Variants in HS6ST3 observed in about 807,000 individuals in gnomAD.
HS6ST3 encodes the protein heparan sulfate 6-O-sulfotransferase 3.
In HS6ST3, 12 loss-of-function variants were observed where a neutral mutation model predicts 36.7. The ratio of observed to expected loss-of-function variants is 0.33; its 90% CI spans 0.21 to 0.53. The LOEUF (loss-of-function observed/expected upper bound fraction) is 0.53. Ranked by LOEUF, HS6ST3 falls within the 20% of genes least tolerant of loss-of-function variation. The probability of loss-of-function intolerance (pLI) is 0.95; values close to 1 mark genes in which losing one functional copy is unlikely to be tolerated. For synonymous variants in HS6ST3, 240 were observed against 257.5 expected (o/e 0.93, Z 0.65); for missense variants, 584 against 640.9 (o/e 0.91, Z 0.96).
chr13:96,146,826 G>A (rs1345983044), intron 1 of HS6ST3, among the ~76,000 whole-genome samples: 1 of 152,084 alleles, frequency 6.6e-6, no homozygotes, highest in Non-Finnish European at 1.5e-5. Context: ...AGAATTCAGG[G>A]GTTAGTACAT....
At chr13:96,289,042 C>T (rs966127946) in intron 1 of HS6ST3, among the ~76,000 whole-genome samples, 1 of 151,420 alleles carries the variant, frequency 6.6e-6, no homozygotes, top group Non-Finnish European at 1.5e-5. Context: ...GAAAAGTATT[C>T]CAGTCATAAA....
chr13:96,148,925 A>G (rs1161664491), intron 1 of HS6ST3, among the ~76,000 whole-genome samples: 1 of 152,224 alleles, frequency 6.6e-6, no homozygotes, highest in Admixed American at 6.5e-5. Context: ...AATAGTCTTT[A>G]TGTATGAGAG....
intron 1 of HS6ST3, among the ~76,000 whole-genome samples, chr13:96,715,856 A>C (rs965146562): frequency 1.3e-5 from 2 of 152,086 alleles, no homozygotes; most frequent in Non-Finnish European, 2.9e-5. Context: ...TAATTCCATG[A>C]ATTATAGATA....
At chr13:96,634,116 C>T (rs2056541018) in intron 1 of HS6ST3, among the ~76,000 whole-genome samples, 1 of 152,186 alleles carries the variant, frequency 6.6e-6, no homozygotes, top group Non-Finnish European at 1.5e-5. Context: ...GCCATGCTGG[C>T]TCCCTGAGCT....
At chr13:96,659,817 T>A (rs770912854) in intron 1 of HS6ST3, among the ~76,000 whole-genome samples, 2 of 152,126 alleles carry the variant, frequency 1.3e-5, no homozygotes, top group Non-Finnish European at 2.9e-5. Flanking sequence ...TGTGTGTACA[T>A]CTATTTCTGG....
intron 1 of HS6ST3, among the ~76,000 whole-genome samples, chr13:96,607,278 C>T (rs2056442458): frequency 6.6e-6 from 1 of 152,048 alleles, no homozygotes. Context: ...ATGCTTTATA[C>T]CAAAATAAAA....
At chr13:96,178,910 G>T (rs2054225398) in intron 1 of HS6ST3, among the ~76,000 whole-genome samples, 1 of 152,150 alleles carries the variant, frequency 6.6e-6, no homozygotes, top group Admixed American at 6.5e-5. Context: ...TTATATAAAA[G>T]AATATTTTCA....
intron 1 of HS6ST3, among the ~76,000 whole-genome samples, chr13:96,152,018 C>A (rs1854174): frequency 0.81 from 122,843 of 152,200 alleles, 50,127 homozygotes; most frequent in East Asian, 0.91. Flanking sequence ...GGGGTTAGGA[C>A]TTCAATGTAT....
chr13:96,147,544 C>T (rs1440629546), intron 1 of HS6ST3, among the ~76,000 whole-genome samples: 1 of 152,214 alleles, frequency 6.6e-6, no homozygotes, highest in African/African-American at 2.4e-5. Context: ...GCTTGTTCCC[C>T]AACCCCTGGC....
intron 1 of HS6ST3, among the ~76,000 whole-genome samples, chr13:96,582,929 G>T (rs1401109654): frequency 6.6e-6 from 1 of 151,966 alleles, no homozygotes; most frequent in Non-Finnish European, 1.5e-5. Context: ...AATACTGCAT[G>T]GGATATTTTA....
At chr13:96,713,145 C>T (rs1347413953) in intron 1 of HS6ST3, among the ~76,000 whole-genome samples, 2 of 152,082 alleles carry the variant, frequency 1.3e-5, no homozygotes, top group Non-Finnish European at 2.9e-5. Flanking sequence ...TTTCGAAATT[C>T]CACATCTGTC....
At chr13:96,666,001 C>T (rs951119083) in intron 1 of HS6ST3, among the ~76,000 whole-genome samples, 1 of 152,086 alleles carries the variant, frequency 6.6e-6, no homozygotes, top group Non-Finnish European at 1.5e-5. Context: ...AGTCCATTCT[C>T]ATGGTGCTAA....
At chr13:96,362,950 C>T (rs892546988) in intron 1 of HS6ST3, among the ~76,000 whole-genome samples, 4 of 152,126 alleles carry the variant, frequency 2.6e-5, no homozygotes, top group African/African-American at 9.7e-5. Context: ...ATTTATAAGA[C>T]ATTCTTGAAA....
At chr13:96,647,418 G>A (rs2056592415) in intron 1 of HS6ST3, among the ~76,000 whole-genome samples, 1 of 151,952 alleles carries the variant, frequency 6.6e-6, no homozygotes, top group African/African-American at 2.4e-5. Flanking sequence ...CAAAGAAAAA[G>A]CAAATTGTCT....
chr13:96,432,289 TA>T (rs1268795344), intron 1 of HS6ST3, among the ~76,000 whole-genome samples: 2 of 152,226 alleles, frequency 1.3e-5, no homozygotes, highest in African/African-American at 4.8e-5. Context: ...AGATTACATT[TA>T]CTATACATTT....
At chr13:96,516,063 CT>C (rs1298327274) in intron 1 of HS6ST3, among the ~76,000 whole-genome samples, 513 of 140,164 alleles carry the variant, frequency 3.7e-3, no homozygotes, top group African/African-American at 5.6e-3. Context: ...ACAGCATTAA[CT>C]TTTTTTTTTT....
At chr13:96,303,957 A>G (rs1240845970) in intron 1 of HS6ST3, among the ~76,000 whole-genome samples, 2 of 152,092 alleles carry the variant, frequency 1.3e-5, no homozygotes, top group Non-Finnish European at 2.9e-5. Context: ...AGTCTGGCCA[A>G]TATGGCAAAA....
chr13:96,143,722 A>G (rs1434617948), intron 1 of HS6ST3, among the ~76,000 whole-genome samples: 1 of 151,976 alleles, frequency 6.6e-6, no homozygotes, highest in Non-Finnish European at 1.5e-5. Flanking sequence ...TTCACTTCTG[A>G]TTGTTTGGGA....
intron 1 of HS6ST3, among the ~76,000 whole-genome samples, chr13:96,396,353 C>T (rs1213485092): frequency 1.3e-5 from 2 of 151,730 alleles, no homozygotes; most frequent in African/African-American, 4.8e-5. Flanking sequence ...AAGGAATTAC[C>T]TCAGATAACA....
Sources: gnomAD v4.1 joint callset for allele counts (sites outside exome capture counted in the v4.1 genomes callset) on GRCh38, gnomAD v4.1.1 for gene constraint, MANE v1.5 for transcripts, NCBI Gene and HGNC (gene_info 2026-07-23, HGNC 2026-07-21) for gene names.